GALNTL6: variants seen among roughly 807,000 people sequenced by gnomAD.
GALNTL6 encodes the protein polypeptide N-acetylgalactosaminyltransferase-like 6.
A neutral mutation model predicts 73.7 loss-of-function variants in GALNTL6; 46 were observed. The observed-to-expected ratio is 0.62, with a 90% CI of 0.49 to 0.80. GALNTL6 has a LOEUF of 0.80. Among genes scored for constraint, GALNTL6 ranks in the 30% least tolerant of loss-of-function variants. GALNTL6 has a pLI of 0.00. For missense variants in GALNTL6, 604 were observed against 755.0 expected (o/e 0.80, Z 2.34); for synonymous variants, 259 against 263.7 (o/e 0.98, Z 0.17).
At chr4:172,221,936 T>A (rs1038949540) in intron 2 of GALNTL6, among the ~76,000 whole-genome samples, 8 of 151,908 alleles carry the variant, frequency 5.3e-5, no homozygotes, top group African/African-American at 1.9e-4. Flanking sequence ...CTTTTAATAA[T>A]GTTATTCTTT....
At chr4:171,993,900 A>G (rs1740411707) in intron 2 of GALNTL6, among the ~76,000 whole-genome samples, 1 of 152,022 alleles carries the variant, frequency 6.6e-6, no homozygotes, top group African/African-American at 2.4e-5. Flanking sequence ...CATTAAATAA[A>G]CTAAAATACT....
chr4:173,003,096 T>C (rs1003640500), intron 10 of GALNTL6, among the ~76,000 whole-genome samples: 1 of 152,212 alleles, frequency 6.6e-6, no homozygotes, highest in Non-Finnish European at 1.5e-5. Context: ...TGCTATTCAA[T>C]TGAACATTTA....
chr4:172,292,585 T>C (rs1739512730), intron 3 of GALNTL6, among the ~76,000 whole-genome samples: 1 of 152,130 alleles, frequency 6.6e-6, no homozygotes, highest in Non-Finnish European at 1.5e-5. Flanking sequence ...TGTACTGACA[T>C]CATGGTTGTT....
chr4:171,845,959 G>A lies in GALNTL6; in HGVS notation c.138+31241G>A, dbSNP rs578060115. Among the ~76,000 whole-genome samples the A allele has an allele frequency of 2.5e-4, 38 of 152,104 alleles. 1 individual carries two copies. In the South Asian group the frequency reaches 7.5e-3, roughly 30 times the overall value. ...AAATTTTCTTATATAATATTTCTAC[G>A]GGAGTTTACATGGTCATTCACTGTA... On this transcript the variant is annotated intron_variant, in intron 2 of 12. Transcript: ENST00000506823.
intron 2 of GALNTL6, among the ~76,000 whole-genome samples, chr4:171,890,120 C>T (rs1326297562): frequency 2.0e-5 from 3 of 152,054 alleles, no homozygotes; most frequent in African/African-American, 7.2e-5. Flanking sequence ...GTACTTACAT[C>T]CCTTGTCCTA....
At chr4:172,784,916 G>T (rs1009920310) in intron 5 of GALNTL6, among the ~76,000 whole-genome samples, 2 of 152,040 alleles carry the variant, frequency 1.3e-5, no homozygotes, top group African/African-American at 4.8e-5. Context: ...AGATGCAAAG[G>T]AACCCATCCT....
chr4:171,814,561 C>T lies in GALNTL6; in HGVS notation c.-20C>T. ...CAGGGAGCCATCTCCTTTAACTTTT[C>T]TTCTCTGTTACCATTTGCAATGAAG... On this transcript the variant is annotated 5_prime_UTR_variant, in exon 2 of 13. Transcript: ENST00000506823. 1.9e-6 allele frequency: 3 copies of T among 1,613,448 alleles called. No homozygotes were observed. The highest frequency in any genetic ancestry group is 2.5e-6 in the Non-Finnish European group (3 of 1,179,764).
chr4:172,104,190 G>C (rs1019323379), intron 2 of GALNTL6, among the ~76,000 whole-genome samples: 2 of 152,080 alleles, frequency 1.3e-5, no homozygotes, highest in South Asian at 2.1e-4. Context: ...TGATCCGCCC[G>C]CCTCGGCCTC....
intron 2 of GALNTL6, among the ~76,000 whole-genome samples, chr4:171,959,615 C>T (rs1018037484): frequency 1.3e-5 from 2 of 152,118 alleles, no homozygotes; most frequent in African/African-American, 4.8e-5. Context: ...ACTCAGGAGG[C>T]TGAGGCAGGA....
chr4:171,818,799 C>T (rs907830475), intron 2 of GALNTL6, among the ~76,000 whole-genome samples: 2 of 151,826 alleles, frequency 1.3e-5, no homozygotes, highest in Admixed American at 6.6e-5. Context: ...TGTGACTTTA[C>T]CTCCATTAAA....
intron 2 of GALNTL6, among the ~76,000 whole-genome samples, chr4:171,992,115 A>G (rs1356562517): frequency 6.6e-6 from 1 of 152,032 alleles, no homozygotes; most frequent in African/African-American, 2.4e-5. Flanking sequence ...TTCATGACTC[A>G]GATATCTTTT....
chr4:172,385,521 A>G (rs1404531430), intron 5 of GALNTL6, among the ~76,000 whole-genome samples: 7 of 151,904 alleles, frequency 4.6e-5, no homozygotes, highest in African/African-American at 9.7e-5. Context: ...TTTTCATTAT[A>G]AAATATATAT....
intron 5 of GALNTL6, among the ~76,000 whole-genome samples, chr4:172,534,850 G>A (rs1481109773): frequency 6.6e-6 from 1 of 152,160 alleles, no homozygotes; most frequent in African/African-American, 2.4e-5. Context: ...ACAGGCGTGA[G>A]CCACCGTGCC....
At chr4:172,892,679 G>A (rs1746101255) in intron 8 of GALNTL6, among the ~76,000 whole-genome samples, 1 of 148,982 alleles carries the variant, frequency 6.7e-6, no homozygotes, top group Non-Finnish European at 1.5e-5. Context: ...TGCTGCATAT[G>A]CCATATGCCC....
rs1014272439 is a variant in GALNTL6, at chr4:172,438,344, C to T, written c.553+89655C>T. Among the ~76,000 whole-genome samples, 4 of 152,080 alleles carry T rather than the reference C, an allele frequency of 2.6e-5. No homozygotes were observed. The South Asian group carries it at 8.3e-4, about 32-fold the overall frequency. On this transcript the variant is annotated intron_variant, in intron 5 of 12. Coordinates refer to ENST00000506823, the MANE Select transcript of GALNTL6 (RefSeq NM_001034845.3). ...TAACTGCAAACCTCATATAACCTCA[C>T]TTTCATTATCCAGCTCCTACTTCTC...
chr4:172,121,257 T>TTG (rs375731048), intron 2 of GALNTL6, among the ~76,000 whole-genome samples: 11,917 of 142,322 alleles, frequency 0.084, 629 homozygotes, highest in East Asian at 0.28. Flanking sequence ...TCAAGAAGCA[T>TTG]TGTGTGTGTG....
intron 5 of GALNTL6, among the ~76,000 whole-genome samples, chr4:172,661,351 C>T (rs1731360117): frequency 6.6e-6 from 1 of 152,304 alleles, no homozygotes; most frequent in African/African-American, 2.4e-5. Context: ...ATTTTGGACT[C>T]ATCAAGCCTT....
intron 5 of GALNTL6, among the ~76,000 whole-genome samples, chr4:172,704,869 T>C (rs779453874): frequency 1.3e-5 from 2 of 152,014 alleles, no homozygotes; most frequent in Non-Finnish European, 2.9e-5. Context: ...GGTGCTTTAG[T>C]GTTGGGTGCA....
intron 2 of GALNTL6, among the ~76,000 whole-genome samples, chr4:172,011,703 C>T (rs1412499350): frequency 6.6e-6 from 1 of 151,758 alleles, no homozygotes; most frequent in Admixed American, 6.6e-5. Context: ...TATCTTATAA[C>T]CCATGGTACC....
Sources: gnomAD v4.1 joint callset for allele counts (sites outside exome capture counted in the v4.1 genomes callset) on GRCh38, gnomAD v4.1.1 for gene constraint, MANE v1.5 for transcripts, NCBI Gene and HGNC (gene_info 2026-07-23, HGNC 2026-07-21) for gene names.